Variants in NPAS3 observed in about 807,000 individuals in gnomAD.
NPAS3 encodes neuronal PAS domain-containing protein 3.
Under a neutral mutation model 73.1 loss-of-function variants are expected in NPAS3, and 14 were observed. The ratio of observed to expected loss-of-function variants is 0.19; its 90% CI spans 0.13 to 0.30. NPAS3 has a LOEUF of 0.30. NPAS3 is among the 10% of genes least tolerant of loss of function. The pLI is 1.00. For missense variants in NPAS3, 1,096 were observed against 1,250.0 expected, an observed-to-expected ratio of 0.88 and a Z score of 1.86; for synonymous variants, 620 against 541.5, an observed-to-expected ratio of 1.14 and a Z score of -2.01.
chr14:32,942,946 A>G (rs112812184), intron 1 of NPAS3, among the ~76,000 whole-genome samples: 1 of 152,240 alleles, frequency 6.6e-6, no homozygotes, highest in African/African-American at 2.4e-5. Context: ...GCATGGGCAT[A>G]TCATGATCCA....
At chr14:33,519,027 C>T (rs529402559) in intron 4 of NPAS3, among the ~76,000 whole-genome samples, 1 of 152,216 alleles carries the variant, frequency 6.6e-6, no homozygotes, top group South Asian at 2.1e-4. Context: ...TTCTGACTCC[C>T]TACCTATACC....
chr14:33,409,192 G>A (rs61974966), intron 4 of NPAS3, among the ~76,000 whole-genome samples: 26,643 of 152,134 alleles, frequency 0.18, 2,570 homozygotes, highest in Admixed American at 0.26. Flanking sequence ...AGGTTGTGGG[G>A]AGGGGAGTTG....
At chr14:33,002,118 T>G (rs1216741558) in intron 1 of NPAS3, among the ~76,000 whole-genome samples, 1 of 152,226 alleles carries the variant, frequency 6.6e-6, no homozygotes, top group African/African-American at 2.4e-5. Context: ...ACTTGTGTGT[T>G]TCATTCACTT....
chr14:32,985,307 C>A (rs1057291097), intron 1 of NPAS3, among the ~76,000 whole-genome samples: 6 of 152,112 alleles, frequency 3.9e-5, no homozygotes, highest in Non-Finnish European at 1.5e-5. Context: ...GAGAGAGGTG[C>A]AGCTACACAA....
chr14:32,982,256 A>G (rs1013917468), intron 1 of NPAS3, among the ~76,000 whole-genome samples: 2 of 152,210 alleles, frequency 1.3e-5, no homozygotes, highest in Non-Finnish European at 2.9e-5. Context: ...AATAATCAGC[A>G]TTAATCCATT....
intron 8 of NPAS3, among the ~76,000 whole-genome samples, chr14:33,775,014 T>C (rs1486432442): frequency 6.6e-6 from 1 of 152,114 alleles, no homozygotes; most frequent in Non-Finnish European, 1.5e-5. Flanking sequence ...AAATAAAACT[T>C]TGTCATCCTG....
At chr14:33,014,537 G>T (rs902629504) in intron 1 of NPAS3, among the ~76,000 whole-genome samples, 4 of 152,092 alleles carry the variant, frequency 2.6e-5, no homozygotes, top group Non-Finnish European at 5.9e-5. Flanking sequence ...TCTTTGAAAT[G>T]TGATGTATGA....
chr14:33,543,615 C>T (rs753224550), intron 4 of NPAS3, among the ~76,000 whole-genome samples: 20 of 152,044 alleles, frequency 1.3e-4, no homozygotes, highest in Non-Finnish European at 2.8e-4. Flanking sequence ...TATGATCCAC[C>T]AAGGTTTGGC....
chr14:33,198,367 G>C (rs544327690), intron 2 of NPAS3, among the ~76,000 whole-genome samples: 10 of 152,280 alleles, frequency 6.6e-5, no homozygotes, highest in Admixed American at 2.6e-4. Context: ...ATTTTACAGA[G>C]AGCTGATTGG....
intron 1 of NPAS3, among the ~76,000 whole-genome samples, chr14:32,955,644 A>T (rs758494003): frequency 6.6e-6 from 1 of 152,082 alleles, no homozygotes; most frequent in Non-Finnish European, 1.5e-5. Flanking sequence ...TCTAGAAGGG[A>T]ACAAATTGGT....
intron 3 of NPAS3, among the ~76,000 whole-genome samples, chr14:33,365,732 T>C (rs1017026863): frequency 1.3e-5 from 2 of 152,216 alleles, no homozygotes; most frequent in African/African-American, 4.8e-5. Flanking sequence ...CTTGCAGACA[T>C]TGCAGATACA....
chr14:33,173,492 ATTG>A (rs2045471995), intron 2 of NPAS3, among the ~76,000 whole-genome samples: 1 of 152,186 alleles, frequency 6.6e-6, no homozygotes, highest in African/African-American at 2.4e-5. Flanking sequence ...CACATGGTAT[ATTG>A]TTTATTTTTT....
At chr14:33,363,611 T>C (rs1594772492) in intron 3 of NPAS3, among the ~76,000 whole-genome samples, 1 of 152,202 alleles carries the variant, frequency 6.6e-6, no homozygotes, top group African/African-American at 2.4e-5. Context: ...AATAGTAGAG[T>C]TGTGGTGTGT....
At chr14:33,385,328 T>C (rs548942388) in intron 4 of NPAS3, among the ~76,000 whole-genome samples, 1 of 152,288 alleles carries the variant, frequency 6.6e-6, no homozygotes, top group East Asian at 1.9e-4. Context: ...ACAAATTATC[T>C]GCCACGATGC....
intron 5 of NPAS3, among the ~76,000 whole-genome samples, chr14:33,632,129 CAGA>C (rs2058394057): frequency 6.6e-6 from 1 of 152,146 alleles, no homozygotes; most frequent in Admixed American, 6.5e-5. Flanking sequence ...TGATAACTAG[CAGA>C]AGAAGGCAAA....
chr14:32,966,638 C>T lies in NPAS3; in HGVS notation c.50+27272C>T, dbSNP rs1423587607. Reference sequence around the variant, plus strand: ...ACAAAAAATTAGCCGGGCGCGGTGGCGGGCGCCTGTAGTCCCAGCTACTGG... The same window carrying T: ...ACAAAAAATTAGCCGGGCGCGGTGGTGGGCGCCTGTAGTCCCAGCTACTGG... On this transcript the variant is annotated intron_variant, in intron 1 of 11. Transcript: ENST00000356141. Among the ~76,000 whole-genome samples, 6 of 75,230 alleles carry T rather than the reference C, an allele frequency of 8.0e-5. 2 individuals carry two copies. The highest frequency in any genetic ancestry group is 1.8e-4 in the Non-Finnish European group (6 of 32,852). 49.4% of individuals were successfully genotyped at this position (75,230 alleles called of 152,430 possible). A position where few individuals can be genotyped will look rare whatever the true frequency, so the allele number is the denominator to read the frequency against.
At chr14:33,402,539 C>T (rs1231103096) in intron 4 of NPAS3, among the ~76,000 whole-genome samples, 1 of 152,092 alleles carries the variant, frequency 6.6e-6, no homozygotes, top group East Asian at 1.9e-4. Context: ...CCAGCAGGCT[C>T]TCCTGTGAGC....
At chr14:33,281,486 G>T (rs560282959) in intron 3 of NPAS3, among the ~76,000 whole-genome samples, 1 of 152,206 alleles carries the variant, frequency 6.6e-6, no homozygotes, top group South Asian at 2.1e-4. Flanking sequence ...ACAAAAATTA[G>T]CCGGGCGTGG....
At chr14:33,675,437 T>C (rs1183127169) in intron 5 of NPAS3, among the ~76,000 whole-genome samples, 1 of 152,164 alleles carries the variant, frequency 6.6e-6, no homozygotes, top group African/African-American at 2.4e-5. Flanking sequence ...ATTCTCTGCC[T>C]TTAGAGTTAG....
Sources: allele counts gnomAD v4.1 joint callset (sites outside exome capture counted in the v4.1 genomes callset), GRCh38; gene constraint gnomAD v4.1.1; transcripts MANE v1.5; gene names NCBI Gene and HGNC (gene_info 2026-07-23, HGNC 2026-07-21).